Variants in ZNF90 observed in about 807,000 individuals in gnomAD.
The protein encoded by ZNF90 is zinc finger protein HTF9.
A neutral mutation model predicts 12.0 loss-of-function variants in ZNF90; 11 were observed. That is an observed-to-expected ratio of 0.92 (90% CI 0.58 to 1.52). The LOEUF is 1.52. Among genes scored for constraint, ZNF90 ranks in the 40% most tolerant of loss-of-function variants. The pLI, the probability that ZNF90 is intolerant of heterozygous loss-of-function variation, is 0.00. For synonymous variants in ZNF90, 232 were observed against 240.1 expected (o/e 0.97, Z 0.31); for missense variants, 765 against 711.5 (o/e 1.08, Z -0.86).
chr19:20,112,113 T>C (rs1280872726), intron 3 of ZNF90, among the ~76,000 whole-genome samples: 2 of 152,148 alleles, frequency 1.3e-5, no homozygotes, highest in African/African-American at 4.8e-5. Context: ...CGCCTCATCC[T>C]CCCAAAGTGC....
intron 1 of ZNF90, among the ~76,000 whole-genome samples, chr19:20,092,102 G>A (rs1216866276): frequency 1.3e-5 from 2 of 152,136 alleles, no homozygotes; most frequent in Non-Finnish European, 2.9e-5. Context: ...TGTGGTATCC[G>A]GAATAATGTG....
rs1287863839 is a variant in ZNF90 at position 20,118,041 on chromosome 19, C to A, written c.487C>A (p.His163Asn). 1.2e-6 allele frequency: 2 copies of A among 1,611,984 alleles called. No individual in the cohort carries two copies. The highest frequency in any genetic ancestry group is 2.7e-5 in the African/African-American group (2 of 74,872). Residue 163 changes from histidine to asparagine, a missense_variant, in exon 4 of 4, where the codon CAT becomes AAT. Transcript: ENST00000418063. ...TCATATATTTTCAAATTCAAACAGA[C>A]ATAAGATAAGAGATACTGGAAAAAA... ...VSHIFSNSNR[H>N]KIRDTGKKPF...
Position 20,118,851 on chromosome 19 carries a change from G to C in ZNF90, c.1297G>C (p.Val433Leu). ...CTACAAATGTCAAGAATGTGACAAAGTCTTCAAACGCTCCTCAGCCCTTAG... is the reference window on the plus strand; with the variant it reads ...CTACAAATGTCAAGAATGTGACAAACTCTTCAAACGCTCCTCAGCCCTTAG... The part of the protein sequence containing the change: ...KPYKCQECDK[V>L]FKRSSALSTH... The change falls in exon 4 of 4, where the codon GTC becomes CTC. Residue 433 changes from valine (V) to leucine (L), a missense_variant. Val to Leu is a conservative substitution (Grantham distance 32). Coordinates refer to ENST00000418063, the MANE Select transcript of ZNF90 (RefSeq NM_007138.2). 6.2e-7 allele frequency: 1 copy of C among 1,605,922 alleles called. No individual in the cohort carries two copies. Among genetic ancestry groups the C allele is most frequent in the Non-Finnish European group, 8.5e-7 (1 of 1,176,102 alleles).
At chr19:20,104,893 C>T (rs1340160984) in intron 2 of ZNF90, among the ~76,000 whole-genome samples, 1 of 152,128 alleles carries the variant, frequency 6.6e-6, no homozygotes, top group Non-Finnish European at 1.5e-5. Flanking sequence ...ACTCTGAAGG[C>T]TGAGGCAGGA....
chr19:20,109,614 C>T (rs192798643), intron 3 of ZNF90, among the ~76,000 whole-genome samples: 17 of 151,762 alleles, frequency 1.1e-4, no homozygotes, highest in African/African-American at 3.9e-4. Context: ...TGGCTCTCGT[C>T]TGTAATCCCA....
chr19:20,079,174 C>G (rs1568280621), intron 1 of ZNF90, among the ~76,000 whole-genome samples: 2 of 150,450 alleles, frequency 1.3e-5, no homozygotes, highest in African/African-American at 4.9e-5. Context: ...TATGTAAACA[C>G]TGTGTTTTAG....
intron 3 of ZNF90, among the ~76,000 whole-genome samples, chr19:20,112,065 G>A (rs922808869): frequency 6.6e-6 from 1 of 151,766 alleles, no homozygotes; most frequent in Non-Finnish European, 1.5e-5. Flanking sequence ...CACAATGTTG[G>A]CCAGGCTGGT....
chr19:20,103,836 C>G (rs1193627196), intron 1 of ZNF90, among the ~76,000 whole-genome samples: 8 of 151,930 alleles, frequency 5.3e-5, no homozygotes, highest in Non-Finnish European at 1.2e-4. Context: ...AAAAAAGAAC[C>G]TGCATAACAA....
At chr19:20,104,388 A>G (rs1555704180) in intron 2 of ZNF90, 23 bp downstream of exon 2, 1 of 1,601,102 alleles carries the variant, frequency 6.2e-7, no homozygotes, top group Non-Finnish European at 8.5e-7. Context: ...GGAATACATA[A>G]TTCATAATAT....
intron 2 of ZNF90, among the ~76,000 whole-genome samples, chr19:20,104,612 G>A (rs2089016883): frequency 6.6e-6 from 1 of 152,156 alleles, no homozygotes; most frequent in Admixed American, 6.5e-5. Context: ...CAGAAATTTA[G>A]TGGCATAAAA....
intron 3 of ZNF90, among the ~76,000 whole-genome samples, chr19:20,112,791 T>G (rs1267040711): frequency 1.3e-5 from 2 of 152,226 alleles, no homozygotes; most frequent in African/African-American, 2.4e-5. Flanking sequence ...CTTTTTTGTT[T>G]TTTTTAATCT....
Position 20,094,418 on chromosome 19 carries a change from G to C in ZNF90, c.4-9821G>C, listed in dbSNP as rs1599644166. On this transcript the variant is annotated intron_variant, in intron 1 of 3. Coordinates refer to ENST00000418063, the MANE Select transcript of ZNF90 (RefSeq NM_007138.2). ...GTCTAGGGCGGTAAAGCGTCTAAGG[G>C]TTGCTGCTAAGCGGGCCACGACCTG... Among the ~76,000 whole-genome samples the C allele has an allele frequency of 1.3e-5, 2 of 152,206 alleles. 1 individual carries two copies. The highest frequency in any genetic ancestry group is 2.9e-5 in the Non-Finnish European group (2 of 68,046).
chr19:20,105,265 G>A lies in ZNF90; in HGVS notation c.175G>A (p.Gly59Arg). 1 of 1,607,284 alleles carries A rather than the reference G, an allele frequency of 6.2e-7. No individual in the cohort carries two copies. The highest frequency in any genetic ancestry group is 8.5e-7 in the Non-Finnish European group (1 of 1,176,770). The change falls in exon 3 of 4, where the codon GGA (glycine) becomes AGA (arginine). Residue 59 changes from glycine (G) to arginine (R), a missense_variant. Transcript: ENST00000418063. ...AGACCTGATCACCTGTCTGGAGCAA[G>A]GAAAAAAACCCTTCACTGTGAAGAG... ...KPDLITCLEQ[G>R]KKPFTVKRHE... is the part of the protein sequence containing the mutation.
At chr19:20,081,972 G>A (rs1251882277) in intron 1 of ZNF90, among the ~76,000 whole-genome samples, 1 of 151,842 alleles carries the variant, frequency 6.6e-6, no homozygotes, top group East Asian at 1.9e-4. Context: ...CACCATGTTA[G>A]CCAGGAGGGT....
intron 1 of ZNF90, among the ~76,000 whole-genome samples, chr19:20,102,337 C>T (rs142638341): frequency 1.3e-5 from 2 of 152,252 alleles, no homozygotes; most frequent in Non-Finnish European, 2.9e-5. Flanking sequence ...CTGACTTATA[C>T]CCATCCTTCC....
chr19:20,079,600 G>C lies in ZNF90; in HGVS notation c.3+1465G>C, dbSNP rs188224937. 6.3e-3 allele frequency among the ~76,000 whole-genome samples: 965 copies of C among 152,002 alleles called. 21 individuals are homozygous for C. Among genetic ancestry groups the C allele is most frequent in the African/African-American group, 0.022 (899 of 41,302 alleles). On this transcript the variant is annotated intron_variant, in intron 1 of 3. Transcript: ENST00000418063. ...TTTAGAAAGGAGGTGGGAGGGGAAT[G>C]GCAAATGGAGGGTGCAAAAGTCAGA...
chr19:20,113,594 C>T (rs1555705374), intron 3 of ZNF90, among the ~76,000 whole-genome samples: 1 of 152,050 alleles, frequency 6.6e-6, no homozygotes, highest in Non-Finnish European at 1.5e-5. Flanking sequence ...CTTTGGGAGG[C>T]CAAGACGGGC....
intron 1 of ZNF90, among the ~76,000 whole-genome samples, chr19:20,103,224 G>A (rs554879541): frequency 2.6e-5 from 4 of 152,186 alleles, no homozygotes; most frequent in African/African-American, 4.8e-5. Context: ...TGTGGAGGTC[G>A]AAAGGACAGG....
intron 3 of ZNF90, 95 bp from the exon 4 acceptor site, chr19:20,117,686 T>G: frequency 7.1e-7 from 1 of 1,416,922 alleles, no homozygotes; most frequent in Non-Finnish European, 9.2e-7. Flanking sequence ...TGTGTTTTCA[T>G]TTTGCCCAAG....
Sources: allele counts gnomAD v4.1 joint callset (sites outside exome capture counted in the v4.1 genomes callset), GRCh38; gene constraint gnomAD v4.1.1; transcripts MANE v1.5; gene names NCBI Gene and HGNC (gene_info 2026-07-23, HGNC 2026-07-21).